ROR2: variants seen among roughly 807,000 people sequenced by gnomAD.
ROR2 encodes ROR family WNT receptor 2.
A neutral mutation model predicts 74.9 loss-of-function variants in ROR2; 33 were observed. That is an observed-to-expected ratio of 0.44 (90% CI 0.33 to 0.59). ROR2 has a LOEUF of 0.59. ROR2 is among the 20% of genes least tolerant of loss of function. The pLI, the probability that ROR2 is intolerant of heterozygous loss-of-function variation, is 0.02. For synonymous variants in ROR2, 586 were observed against 558.7 expected (o/e 1.05, Z -0.69); for missense variants, 1,216 against 1,313.8 (o/e 0.93, Z 1.15).
chr9:91,822,761 G>T (rs1347257629), intron 1 of ROR2, among the ~76,000 whole-genome samples: 1 of 152,140 alleles, frequency 6.6e-6, no homozygotes, highest in Admixed American at 6.5e-5. Context: ...AGTGGGAGAA[G>T]GGGGCAGCCA....
Position 91,733,143 on chromosome 9 carries a change from G to T in ROR2, c.916C>A (p.Pro306Thr), listed in dbSNP as rs1837307419. The T allele has an allele frequency of 6.3e-7, 1 of 1,599,684 alleles. No homozygotes were observed. Among genetic ancestry groups the T allele is most frequent in the Non-Finnish European group, 8.5e-7 (1 of 1,174,972 alleles). ...DAANCMRIGI[P>T]AERLGRYHQC... ...TCACAGCGGCCCAGCCTCTCGGCTG[G>T]GATGCCAATGCGCATGCAGTTGGCA... Residue 306 changes from proline (P) to threonine (T), a missense_variant, in exon 6 of 9, where the codon CCA (proline) becomes ACA (threonine). Pro to Thr is a conservative substitution (Grantham distance 38). Coordinates refer to ENST00000375708, the MANE Select transcript of ROR2 (RefSeq NM_004560.4). This position sits in a 1 kb window ranked among gnomAD's most constrained non-coding sequence, Gnocchi z 5.7.
At chr9:91,788,853 T>A (rs1826882383) in intron 1 of ROR2, among the ~76,000 whole-genome samples, 1 of 138,314 alleles carries the variant, frequency 7.2e-6, no homozygotes, top group Non-Finnish European at 1.5e-5. Flanking sequence ...AGAGCGAGAC[T>A]CTGTCTCAAA....
intron 1 of ROR2, among the ~76,000 whole-genome samples, chr9:91,846,116 C>T (rs35783050): frequency 0.037 from 5,661 of 152,216 alleles, 158 homozygotes; most frequent in East Asian, 0.098. Flanking sequence ...CAGGCAAGGC[C>T]TGCTGTTCTC....
chr9:91,729,664 G>C (rs1837166822), intron 7 of ROR2, among the ~76,000 whole-genome samples: 1 of 152,172 alleles, frequency 6.6e-6, no homozygotes, highest in Non-Finnish European at 1.5e-5. Context: ...ACCAATTGCT[G>C]CTTCCAGCTC....
At chr9:91,783,257 A>G (rs1335082322) in intron 1 of ROR2, among the ~76,000 whole-genome samples, 4 of 152,182 alleles carry the variant, frequency 2.6e-5, no homozygotes. Flanking sequence ...GACACAGAGG[A>G]CTAGGACTCC....
intron 2 of ROR2, among the ~76,000 whole-genome samples, chr9:91,774,745 G>A (rs1041108235): frequency 2.0e-5 from 3 of 152,200 alleles, no homozygotes; most frequent in African/African-American, 4.8e-5. Flanking sequence ...CTAGGGAGGG[G>A]TAAGGAAGCA....
chr9:91,943,216 A>G (rs7863167), intron 1 of ROR2, among the ~76,000 whole-genome samples: 79,158 of 151,836 alleles, frequency 0.52, 23,215 homozygotes, highest in African/African-American at 0.8. Flanking sequence ...CCCTGTCCCC[A>G]TCCCATATTC....
chr9:91,730,917 G>A lies in ROR2; in HGVS notation c.1176C>T (p.Pro392=). ...GAGAGAGAGAATACATACTACACGA[G>A]GGTACGTCACACAGTTCCATGCGTA... ...KNVRMELCDV[P]SCSPRDSSKM... is the part of the protein sequence containing the mutation. Residue 392 remains proline, a synonymous_variant, in exon 7 of 9, where the codon CCC becomes CCT. Coordinates refer to ENST00000375708, the MANE Select transcript of ROR2 (RefSeq NM_004560.4). 6.2e-7 allele frequency: 1 copy of A among 1,614,140 alleles called. No individual in the cohort carries two copies.
chr9:91,805,379 A>G (rs1009601375), intron 1 of ROR2, among the ~76,000 whole-genome samples: 4 of 152,208 alleles, frequency 2.6e-5, no homozygotes, highest in African/African-American at 9.7e-5. Context: ...ACACAGCCTC[A>G]TGGCAGTCAG....
intron 1 of ROR2, among the ~76,000 whole-genome samples, chr9:91,801,690 A>C (rs1827383290): frequency 6.6e-6 from 1 of 151,984 alleles, no homozygotes; most frequent in African/African-American, 2.4e-5. Flanking sequence ...GGAGAGGAGG[A>C]ATTCTACCTC....
In ROR2 at chr9:91,802,128, C is replaced by T. The variant is rs1021493516; in HGVS notation, c.98-26310G>A. On this transcript the variant is annotated intron_variant, in intron 1 of 8. Coordinates refer to ENST00000375708, the MANE Select transcript of ROR2 (RefSeq NM_004560.4). ...TCGCTCTGTTGCCCAGGCTGGAGTG[C>T]AGTGGCGTGATCTCCACTTACTGCA... Among the ~76,000 whole-genome samples, 3 of 136,600 alleles carry T rather than the reference C, an allele frequency of 2.2e-5. No individual in the cohort carries two copies. The Admixed American group carries it at 2.5e-4, about 11-fold the overall frequency. The allele number at this position is 136,600 out of a possible 152,430, so 89.6% of individuals were successfully genotyped here. A position where few individuals can be genotyped will look rare whatever the true frequency, so the allele number is the denominator to read the frequency against.
intron 1 of ROR2, among the ~76,000 whole-genome samples, chr9:91,885,862 G>GTCC (rs1390687235): frequency 6.9e-6 from 1 of 144,904 alleles, no homozygotes; most frequent in Non-Finnish European, 1.5e-5. Flanking sequence ...GTAGCAGTAT[G>GTCC]GTTTCCTTTT....
At chr9:91,886,912 C>A (rs1041543005) in intron 1 of ROR2, 3 of 152,170 alleles carry the variant, frequency 2.0e-5, no homozygotes, top group Non-Finnish European at 4.4e-5. Flanking sequence ...TAAATACAGA[C>A]CCAGAAGGGA....
chr9:91,755,163 G>T (rs1191049884), intron 4 of ROR2, among the ~76,000 whole-genome samples: 1 of 151,582 alleles, frequency 6.6e-6, no homozygotes, highest in Non-Finnish European at 1.5e-5. Context: ...TTTGGGGGGG[G>T]AAAAAAATCT....
At position 91,728,580 on chromosome 9, in the gene ROR2, G is replaced by A. The variant is rs558825253; in HGVS notation, c.1184-1837C>T. ...CGACTAGCTGGGATTACAGGCGCCCGCCACCATGCCTGGCTAATTTTTATA... is the reference window on the plus strand; with the variant it reads ...CGACTAGCTGGGATTACAGGCGCCCACCACCATGCCTGGCTAATTTTTATA... On this transcript the variant is annotated intron_variant, in intron 7 of 8. Coordinates refer to ENST00000375708, the MANE Select transcript of ROR2 (RefSeq NM_004560.4). 7.2e-5 allele frequency among the ~76,000 whole-genome samples: 11 copies of A among 152,194 alleles called. No homozygotes were observed. In the East Asian group the frequency reaches 1.5e-3, roughly 21 times the overall value.
chr9:91,799,111 C>T (rs1305393942), intron 1 of ROR2, among the ~76,000 whole-genome samples: 3 of 152,170 alleles, frequency 2.0e-5, no homozygotes, highest in Non-Finnish European at 4.4e-5. Flanking sequence ...CTGAATCCAC[C>T]TGTGTGTGGT....
At chr9:91,835,715 AG>A (rs1212879512) in intron 1 of ROR2, among the ~76,000 whole-genome samples, 4 of 152,174 alleles carry the variant, frequency 2.6e-5, no homozygotes, top group African/African-American at 9.7e-5. Flanking sequence ...GGGAGGGAAA[AG>A]CTACCACTAC....
At chr9:91,863,269 T>C in intron 1 of ROR2, among the ~76,000 whole-genome samples, 1 of 152,168 alleles carries the variant, frequency 6.6e-6, no homozygotes, top group Non-Finnish European at 1.5e-5. Flanking sequence ...CAAGTGATCC[T>C]CCCGCCTTGG....
intron 4 of ROR2, among the ~76,000 whole-genome samples, chr9:91,740,591 C>CAT (rs1275329137): frequency 2.7e-5 from 4 of 146,486 alleles, no homozygotes; most frequent in Non-Finnish European, 4.4e-5. Flanking sequence ...TATATATATA[C>CAT]ATATATATAT....
Sources: gnomAD v4.1 joint callset for allele counts (sites outside exome capture counted in the v4.1 genomes callset) on GRCh38, gnomAD v4.1.1 for gene constraint, Gnocchi (gnomAD v3.1) non-coding constraint, MANE v1.5 for transcripts, NCBI Gene and HGNC (gene_info 2026-07-23, HGNC 2026-07-21) for gene names.